Variants in PASK observed in about 807,000 individuals in gnomAD.
PASK encodes PAS domain containing serine/threonine kinase, also known as PAS domain-containing serine/threonine-protein kinase.
PASK carries 110 observed loss-of-function variants against 121.0 expected under a neutral mutation model. That is an observed-to-expected ratio of 0.91 (90% CI 0.78 to 1.06). The LOEUF (loss-of-function observed/expected upper bound fraction) is 1.06. PASK is among the 50% of genes least tolerant of loss of function. The pLI is 0.00. For synonymous variants in PASK, 686 were observed against 717.8 expected, an observed-to-expected ratio of 0.96 and a Z score of 0.71; for missense variants, 1,643 against 1,702.3, an observed-to-expected ratio of 0.97 and a Z score of 0.61.
In PASK at chr2:241,126,711, T is replaced by C; in HGVS notation, c.2204A>G (p.Asp735Gly). 2 of 1,614,148 alleles carry C rather than the reference T, an allele frequency of 1.2e-6. No homozygotes were observed. Among genetic ancestry groups the C allele is most frequent in the Non-Finnish European group, 1.7e-6 (2 of 1,180,036 alleles). The change falls in exon 10 of 18, where the codon GAT becomes GGT. Residue 735 changes from aspartate (D) to glycine (G), a missense_variant. Physicochemically the swap from Asp to Gly is moderately conservative, Grantham distance 94 (BLOSUM62 -1). Coordinates refer to ENST00000234040, the MANE Select transcript of PASK (RefSeq NM_015148.4). Reference protein sequence around the residue: ...GLEAVEAQEVDVNSFSWNLKE... With the variant: ...GLEAVEAQEVGVNSFSWNLKE... Reference sequence around the variant, plus strand: ...GAGGTTCCAGGAAAACGAATTCACATCAACCTCCTGGGCCTCCACTGCTTC... The same window carrying C: ...GAGGTTCCAGGAAAACGAATTCACACCAACCTCCTGGGCCTCCACTGCTTC...
chr2:241,118,395 G>A (rs568418899), intron 12 of PASK, among the ~76,000 whole-genome samples: 3 of 152,250 alleles, frequency 2.0e-5, no homozygotes, highest in Non-Finnish European at 4.4e-5. Context: ...TGCATCTATG[G>A]TCAACTGATT....
chr2:241,109,870 C>T (rs1386819452), intron 15 of PASK: 1 of 152,180 alleles, frequency 6.6e-6, no homozygotes, highest in Non-Finnish European at 1.5e-5. Flanking sequence ...GGTTTTGGGC[C>T]ACATGGTCCC....
At chr2:241,107,246 T>C in intron 17 of PASK, 107 bp downstream of exon 17, 4 of 966,550 alleles carry the variant, frequency 4.1e-6, no homozygotes, top group Non-Finnish European at 6.7e-6. Context: ...CAAGACAGCA[T>C]GGGGGAGAGA....
chr2:241,139,278 C>A (rs1031598394), intron 4 of PASK, among the ~76,000 whole-genome samples: 7 of 152,166 alleles, frequency 4.6e-5, no homozygotes. Flanking sequence ...TCAGATCATA[C>A]CCCAACCTCC....
upstream of PASK, chr2:241,150,001 T>C: frequency 2.1e-6 from 3 of 1,405,612 alleles, no homozygotes; most frequent in Non-Finnish European, 2.8e-6. Flanking sequence ...GTTGTTGCTC[T>C]TGCCGTTCGG....
At chr2:241,141,327 C>T (rs1386258640) in intron 2 of PASK, among the ~76,000 whole-genome samples, 1 of 152,182 alleles carries the variant, frequency 6.6e-6, no homozygotes, top group Non-Finnish European at 1.5e-5. Flanking sequence ...TTCCTTCCTT[C>T]CCACCTTCTG....
chr2:241,126,504 C>G lies in PASK; in HGVS notation c.2411G>C (p.Cys804Ser). ...DRELLLLTGT[C>S]VDLGQGRRFR... is the part of the protein sequence containing the mutation. ...CCGTCGGCCTTGGCCAAGGTCAACA[C>G]AGGTGCCGGTCAGTAGTAACAGCTC... The change falls in exon 10 of 18, where the codon TGT becomes TCT. Residue 804 changes from cysteine to serine, a missense_variant. Transcript: ENST00000234040. The G allele has an allele frequency of 6.2e-7, 1 of 1,614,268 alleles. No homozygotes were observed. The highest frequency in any genetic ancestry group is 1.3e-5 in the African/African-American group (1 of 75,072).
chr2:241,136,986 C>G lies in PASK; in HGVS notation c.1137+18G>C. The G allele has an allele frequency of 6.2e-7, 1 of 1,610,504 alleles. No homozygotes were observed. The highest frequency in any genetic ancestry group is 8.5e-7 in the Non-Finnish European group (1 of 1,178,832). On this transcript the variant is annotated intron_variant, in intron 7 of 17. Coordinates refer to ENST00000234040, the MANE Select transcript of PASK (RefSeq NM_015148.4). The stretch of plus-strand genomic sequence containing the variant: ...TTCCTCCCAGGGAACGGGAGCCAGG[C>G]GCCCAGGGCAGCCCCACCTTGCCCA...
intron 12 of PASK, among the ~76,000 whole-genome samples, chr2:241,122,455 A>T (rs2125419744): frequency 6.6e-6 from 1 of 152,374 alleles, no homozygotes; most frequent in African/African-American, 2.4e-5. Context: ...ACAGGTCCAG[A>T]TGTGGGATCT....
intron 1 of PASK, among the ~76,000 whole-genome samples, chr2:241,143,779 G>A (rs1220517561): frequency 2.0e-5 from 3 of 152,204 alleles, no homozygotes; most frequent in African/African-American, 4.8e-5. Context: ...CCTAAACAGT[G>A]AGTCCTGACC....
intron 5 of PASK, 41 bp downstream of exon 5, chr2:241,138,613 C>T: frequency 6.2e-7 from 1 of 1,610,502 alleles, no homozygotes; most frequent in Non-Finnish European, 8.5e-7. Flanking sequence ...ACGACGCCGG[C>T]TCCAGCGTCC....
chr2:241,143,260 G>A (rs971742138), intron 1 of PASK, among the ~76,000 whole-genome samples, 186 bp from the exon 2 acceptor site: 8 of 152,058 alleles, frequency 5.3e-5, no homozygotes, highest in African/African-American at 9.7e-5. Context: ...AGCTCTTTCC[G>A]GGCCAGGCAC....
chr2:241,132,757 G>C (rs1349652768), intron 9 of PASK, 117 bp downstream of exon 9: 2 of 878,408 alleles, frequency 2.3e-6, no homozygotes, highest in Admixed American at 3.8e-5. Flanking sequence ...CAACACATGT[G>C]AGTTTTCAAT....
chr2:241,112,397 GGAT>G lies in PASK; in HGVS notation c.3373_3375del (p.Ile1125del), dbSNP rs759068177. Reference sequence around the variant, plus strand: ...ATGTTCTCATCCTTGATGTCACGGTGGATGATGTCCTTCAAGCGCAGGTATCCC... The same window carrying G: ...ATGTTCTCATCCTTGATGTCACGGTGGATGTCCTTCAAGCGCAGGTATCCC... On this transcript the variant is annotated inframe_deletion, in exon 15 of 18. Transcript: ENST00000234040. The surrounding 1 kb of genome is among the most constrained non-coding windows in gnomAD (Gnocchi z 5.2). 3.7e-6 allele frequency: 6 copies of G among 1,613,752 alleles called. No individual in the cohort carries two copies. The South Asian group carries it at 5.5e-5, about 15-fold the overall frequency.
intron 14 of PASK, chr2:241,114,409 T>C (rs1344699807): frequency 2.0e-6 from 2 of 986,546 alleles, no homozygotes; most frequent in African/African-American, 1.7e-5. Flanking sequence ...CCAGTTCTTC[T>C]GGGGGAGCTG....
chr2:241,132,896 G>A lies in PASK; in HGVS notation c.1441C>T (p.Leu481Phe), dbSNP rs2066231263. The A allele has an allele frequency of 3.7e-6, 6 of 1,614,102 alleles. No homozygotes were observed. Among genetic ancestry groups the A allele is most frequent in the Non-Finnish European group, 5.1e-6 (6 of 1,179,952 alleles). The stretch of plus-strand genomic sequence containing the variant: ...TACCCTGGAGCAGGCTGAGGTGAGA[G>A]GCAGGAAAGGAGCTGGCCTCCAGCA... ...LIAGGQLLSC[L>F]SPQPAPGVDN... The change falls in exon 9 of 18, where the codon CTC (leucine) becomes TTC (phenylalanine). Residue 481 changes from leucine to phenylalanine, a missense_variant. By Grantham distance (22) the Leu-to-Phe change is conservative (BLOSUM62 0). Around this residue, in one of 3 missense-constraint regions of PASK, gnomAD observed 1,176 missense variants for 1,162.2 expected, o/e 1.01. Transcript: ENST00000234040.
chr2:241,144,188 GTCTTGTCACA>G lies in PASK; in HGVS notation c.-42-1124_-42-1115del, dbSNP rs1399885281. Among the ~76,000 whole-genome samples the G allele has an allele frequency of 8.0e-4, 122 of 152,318 alleles. 1 individual carries two copies. The highest frequency in any genetic ancestry group is 3.4e-3 in the Middle Eastern group (1 of 294). ...CGCATGTGAGCACGTGTTCCATGCA[GTCTTGTCACA>G]TGTATACATTCATGTGACCACCCTG... On this transcript the variant is annotated intron_variant, in intron 1 of 17. Coordinates refer to ENST00000234040, the MANE Select transcript of PASK (RefSeq NM_015148.4).
intron 1 of PASK, among the ~76,000 whole-genome samples, chr2:241,148,174 T>C (rs1175632134): frequency 6.6e-6 from 1 of 152,166 alleles, no homozygotes; most frequent in Non-Finnish European, 1.5e-5. Flanking sequence ...CAGCACCTAA[T>C]GGTGCCACCG....
intron 11 of PASK, 96 bp from the exon 12 acceptor site, chr2:241,122,995 C>T (rs2302051): frequency 1.5e-5 from 19 of 1,234,264 alleles, no homozygotes; most frequent in Middle Eastern, 2.4e-4. Context: ...AGCAGCCGCC[C>T]GAGGCAGGTG....
Sources: gnomAD v4.1 joint callset for allele counts (sites outside exome capture counted in the v4.1 genomes callset) on GRCh38, gnomAD v4.1.1 for gene constraint, gnomAD v4.1.1 regional missense constraint, Gnocchi (gnomAD v3.1) non-coding constraint, MANE v1.5 for transcripts, NCBI Gene and HGNC (gene_info 2026-07-23, HGNC 2026-07-21) for gene names.